Variants in KCNQ1 observed in about 807,000 individuals in gnomAD.
KCNQ1 encodes the protein potassium voltage-gated channel subfamily KQT member 1.
Under a neutral mutation model 72.4 loss-of-function variants are expected in KCNQ1, and 49 were observed. The ratio of observed to expected loss-of-function variants is 0.68; its 90% CI spans 0.54 to 0.86. The LOEUF is 0.86. KCNQ1 is among the 40% of genes least tolerant of loss of function. The pLI, the probability that KCNQ1 is intolerant of heterozygous loss-of-function variation, is 0.00. For synonymous variants in KCNQ1, 450 were observed against 412.6 expected (o/e 1.09, Z -1.10); for missense variants, 790 against 945.1 (o/e 0.84, Z 2.15).
intron 2 of KCNQ1, 139 bp from the exon 3 acceptor site, chr11:2,570,489 A>C (rs1564819985): frequency 1.8e-6 from 2 of 1,120,772 alleles, no homozygotes; most frequent in African/African-American, 1.5e-5. Context: ...CATCCGCAGC[A>C]GGCCAGGACC....
At chr11:2,572,223 G>GCCTGGGCGCAGGGGTA in intron 5 of KCNQ1, 114 bp downstream of exon 5, 1 of 766,482 alleles carries the variant, frequency 1.3e-6, no homozygotes, top group Non-Finnish European at 2.2e-6. Context: ...GCCGGTGGGT[G>GCCTGGGCGCAGGGGTA]CCTGGGCGCA....
rs996094916 is a variant in KCNQ1, at chr11:2,479,686, G to T, written c.386+34202G>T. ...CTCCTAAGGTCTCTGACATGCCCTGGAGACATTTTCCCCATTGTCTTAGTG... is the reference window on the plus strand; with the variant it reads ...CTCCTAAGGTCTCTGACATGCCCTGTAGACATTTTCCCCATTGTCTTAGTG... On this transcript the variant is annotated intron_variant, in intron 1 of 15. Coordinates refer to ENST00000155840, the MANE Select transcript of KCNQ1 (RefSeq NM_000218.3). This position sits in a 1 kb window ranked among gnomAD's most constrained non-coding sequence, Gnocchi z 4.6. Among the ~76,000 whole-genome samples the T allele has an allele frequency of 2.6e-5, 4 of 152,204 alleles. No homozygotes were observed. The highest frequency in any genetic ancestry group is 4.8e-5 in the African/African-American group (2 of 41,456).
intron 11 of KCNQ1, among the ~76,000 whole-genome samples, chr11:2,716,918 G>A (rs1851102468): frequency 6.6e-6 from 1 of 152,244 alleles, no homozygotes; most frequent in South Asian, 2.1e-4. Flanking sequence ...GGCCAGGCCT[G>A]CAGTAGGAGC....
At chr11:2,634,260 G>A in intron 10 of KCNQ1, 1 of 378,720 alleles carries the variant, frequency 2.6e-6, no homozygotes, top group Non-Finnish European at 4.7e-6. Flanking sequence ...ATGTTGGTGT[G>A]CTGCACTGAT....
At position 2,766,942 on chromosome 11, in the gene KCNQ1, G is replaced by A. The variant is rs893429799; in HGVS notation, c.1515-1902G>A. On this transcript the variant is annotated intron_variant, in intron 11 of 15. Transcript: ENST00000155840. This position sits in a 1 kb window ranked among gnomAD's most constrained non-coding sequence, Gnocchi z 4.4. ...GCCTGTAATCCCAGCACTTTTGGAGGCCAAGGCGGACAGATCATGAGGTCA... is the reference window on the plus strand; with the variant it reads ...GCCTGTAATCCCAGCACTTTTGGAGACCAAGGCGGACAGATCATGAGGTCA... 6.6e-6 allele frequency among the ~76,000 whole-genome samples: 1 copy of A among 152,164 alleles called. No individual in the cohort carries two copies. Among genetic ancestry groups the A allele is most frequent in the Non-Finnish European group, 1.5e-5 (1 of 68,024 alleles).
rs1372621888 is a variant in KCNQ1 at position 2,547,357 on chromosome 11, A to G, written c.477+19339A>G. On this transcript the variant is annotated intron_variant, in intron 2 of 15. Transcript: ENST00000155840. The surrounding 1 kb of genome is among the most constrained non-coding windows in gnomAD (Gnocchi z 4.2). ...GTGATTTTCGTGCCTCAGCCTCCCA[A>G]GTAGCTGGGATTATAGGTGGGCGCC... Among the ~76,000 whole-genome samples, 1 of 152,046 alleles carries G rather than the reference A, an allele frequency of 6.6e-6. No homozygotes were observed. Among genetic ancestry groups the G allele is most frequent in the Non-Finnish European group, 1.5e-5 (1 of 67,984 alleles).
chr11:2,601,575 A>G lies in KCNQ1; in HGVS notation c.1393+12721A>G, dbSNP rs1564830110. ...TGTCCTTTTACACGGACTTTCTCCC[A>G]TCCCATCCCTCCAATCCCTGGTGAC... On this transcript the variant is annotated intron_variant, in intron 10 of 15. Transcript: ENST00000155840. This position sits in a 1 kb window ranked among gnomAD's most constrained non-coding sequence, Gnocchi z 5.2. 6.6e-6 allele frequency among the ~76,000 whole-genome samples: 1 copy of G among 152,132 alleles called. No homozygotes were observed. Among genetic ancestry groups the G allele is most frequent in the Non-Finnish European group, 1.5e-5 (1 of 68,022 alleles).
At chr11:2,732,255 C>T (rs929323297) in intron 11 of KCNQ1, among the ~76,000 whole-genome samples, 1 of 152,260 alleles carries the variant, frequency 6.6e-6, no homozygotes, top group Non-Finnish European at 1.5e-5. Flanking sequence ...TGCTCCTGGG[C>T]CTCTCCCCAA....
intron 11 of KCNQ1, chr11:2,696,939 G>A (rs1386448141): frequency 1.3e-5 from 5 of 398,224 alleles, no homozygotes; most frequent in Non-Finnish European, 2.2e-5. Flanking sequence ...TCTGAAATCT[G>A]AAATCTCTCT....
In KCNQ1 at chr11:2,808,535, T is replaced by C. The variant is rs905718146; in HGVS notation, c.1794+30498T>C. 1.3e-5 allele frequency among the ~76,000 whole-genome samples: 2 copies of C among 152,056 alleles called. No individual in the cohort carries two copies. Among genetic ancestry groups the C allele is most frequent in the African/African-American group, 4.8e-5 (2 of 41,410 alleles). On this transcript the variant is annotated intron_variant, in intron 15 of 15. Transcript: ENST00000155840. The surrounding 1 kb of genome is among the most constrained non-coding windows in gnomAD (Gnocchi z 6.0). ...AAGAAAACAAAAGAGGACCATAATA[T>C]CTCCACAGAGAACTATCATTAATTT...
rs1043934515 is a variant in KCNQ1, at chr11:2,624,382, T to C, written c.1393+35528T>C. ...TCTGTGGCCTGTCCTTTCATCCTCT[T>C]GACAGTATGTTTTACAGAGCAGAAA... is the stretch of plus-strand genomic sequence containing the variant. On this transcript the variant is annotated intron_variant, in intron 10 of 15. Coordinates refer to ENST00000155840, the MANE Select transcript of KCNQ1 (RefSeq NM_000218.3). This position sits in a 1 kb window ranked among gnomAD's most constrained non-coding sequence, Gnocchi z 4.9. 1 of 398,516 alleles carries C rather than the reference T, an allele frequency of 2.5e-6. No individual in the cohort carries two copies. The highest frequency in any genetic ancestry group is 4.4e-6 in the Non-Finnish European group (1 of 226,012). 24.7% of individuals were successfully genotyped at this position (398,516 alleles called of 1,614,324 possible).
At chr11:2,521,942 G>A (rs1033685786) in intron 1 of KCNQ1, among the ~76,000 whole-genome samples, 16 of 152,368 alleles carry the variant, frequency 1.1e-4, no homozygotes, top group Admixed American at 5.2e-4. Context: ...CATCTGAGCC[G>A]TGGAGCCCAC....
intron 11 of KCNQ1, among the ~76,000 whole-genome samples, chr11:2,747,889 G>A (rs1846164737): frequency 6.6e-6 from 1 of 152,098 alleles, no homozygotes; most frequent in Admixed American, 6.6e-5. Context: ...AGCTTCCCCG[G>A]GCTTTACCAG....
Position 2,826,007 on chromosome 11 carries a change from T to A in KCNQ1, c.1795-21760T>A. ...CCAGTACCCTCTCCCCGAGGCCTCG[T>A]CCTCCCCGCCATCCTGGAAACGATT... is the stretch of plus-strand genomic sequence containing the variant. On this transcript the variant is annotated intron_variant, in intron 15 of 15. Transcript: ENST00000155840. The surrounding 1 kb of genome is among the most constrained non-coding windows in gnomAD (Gnocchi z 4.2). Among the ~76,000 whole-genome samples, 1 of 151,992 alleles carries A rather than the reference T, an allele frequency of 6.6e-6. No individual in the cohort carries two copies. Among genetic ancestry groups the A allele is most frequent in the East Asian group, 1.9e-4 (1 of 5,166 alleles).
Position 2,585,319 on chromosome 11 carries a change from G to A in KCNQ1, c.1128+12G>A. 1 of 1,609,146 alleles carries A rather than the reference G, an allele frequency of 6.2e-7. No homozygotes were observed. The highest frequency in any genetic ancestry group is 1.1e-5 in the South Asian group (1 of 90,994). On this transcript the variant is annotated intron_variant, in intron 8 of 15. Transcript: ENST00000155840. ...CCTCACTCATTCAGGTGCGGTGCCT[G>A]CAAGGCCCTGGTCACTGTCATTTTG...
chr11:2,774,433 T>G (rs1446457382), intron 12 of KCNQ1, among the ~76,000 whole-genome samples: 1 of 152,072 alleles, frequency 6.6e-6, no homozygotes, highest in African/African-American at 2.4e-5. Context: ...CCAGCCCTCC[T>G]GATCTCAGGA....
Position 2,483,273 on chromosome 11 carries a change from A to C in KCNQ1, c.386+37789A>C, listed in dbSNP as rs956853999. 5.3e-5 allele frequency among the ~76,000 whole-genome samples: 8 copies of C among 152,264 alleles called. No individual in the cohort carries two copies. The highest frequency in any genetic ancestry group is 3.3e-4 in the Admixed American group (5 of 15,284). ...GGGGGTGTGAGTGATGAGGGACAACATCAGTCCTCTCTTGGCTTCTGTACT... is the reference window on the plus strand; with the variant it reads ...GGGGGTGTGAGTGATGAGGGACAACCTCAGTCCTCTCTTGGCTTCTGTACT... On this transcript the variant is annotated intron_variant, in intron 1 of 15. Transcript: ENST00000155840. The surrounding 1 kb of genome is among the most constrained non-coding windows in gnomAD (Gnocchi z 6.1).
chr11:2,529,437 C>G (rs1009496795), intron 2 of KCNQ1, among the ~76,000 whole-genome samples: 2 of 151,988 alleles, frequency 1.3e-5, no homozygotes, highest in African/African-American at 4.8e-5. Flanking sequence ...CTGGGGGAGA[C>G]TGACATCTCG....
chr11:2,716,606 GA>G (rs1851096422), intron 11 of KCNQ1, among the ~76,000 whole-genome samples: 1 of 152,220 alleles, frequency 6.6e-6, no homozygotes, highest in Non-Finnish European at 1.5e-5. Context: ...GGGCCTGGTG[GA>G]ATTCCATTCC....
Sources: gnomAD v4.1 joint callset for allele counts (sites outside exome capture counted in the v4.1 genomes callset) on GRCh38, gnomAD v4.1.1 for gene constraint, Gnocchi (gnomAD v3.1) non-coding constraint, MANE v1.5 for transcripts, NCBI Gene and HGNC (gene_info 2026-07-23, HGNC 2026-07-21) for gene names.